EPHA6: variants seen among roughly 807,000 people sequenced by gnomAD.
EPHA6 encodes ephrin type-A receptor 6.
Under a neutral mutation model 112.0 loss-of-function variants are expected in EPHA6, and 50 were observed. The ratio of observed to expected loss-of-function variants is 0.45; its 90% CI spans 0.36 to 0.56. The LOEUF is 0.56. Among genes scored for constraint, EPHA6 ranks in the 20% least tolerant of loss-of-function variants. The pLI, the probability that EPHA6 is intolerant of heterozygous loss-of-function variation, is 0.00. For missense variants in EPHA6, 1,280 were observed against 1,417.4 expected (o/e 0.90, Z 1.56); for synonymous variants, 529 against 490.7 (o/e 1.08, Z -1.03).
At chr3:97,016,119 A>G (rs1264781185) in intron 3 of EPHA6, among the ~76,000 whole-genome samples, 1 of 151,788 alleles carries the variant, frequency 6.6e-6, no homozygotes, top group Non-Finnish European at 1.5e-5. Flanking sequence ...GAAACATTGA[A>G]GATATGTGTC....
chr3:97,667,027 G>A (rs1165943370), intron 14 of EPHA6, among the ~76,000 whole-genome samples: 1 of 152,082 alleles, frequency 6.6e-6, no homozygotes, highest in Non-Finnish European at 1.5e-5. Flanking sequence ...TATTAAACTG[G>A]AGAGCATTAT....
chr3:96,910,596 G>C (rs1449309570), intron 2 of EPHA6, among the ~76,000 whole-genome samples: 1 of 151,912 alleles, frequency 6.6e-6, no homozygotes, highest in Non-Finnish European at 1.5e-5. Flanking sequence ...AACTGTTCTG[G>C]CTTTTTTCCT....
intron 5 of EPHA6, among the ~76,000 whole-genome samples, chr3:97,390,538 T>C (rs2086339787): frequency 6.6e-6 from 1 of 151,766 alleles, no homozygotes; most frequent in Non-Finnish European, 1.5e-5. Flanking sequence ...AATATAATTA[T>C]TCATACACAC....
chr3:97,519,574 G>A (rs112514580), intron 10 of EPHA6, among the ~76,000 whole-genome samples: 27 of 152,196 alleles, frequency 1.8e-4, no homozygotes, highest in African/African-American at 4.8e-4. Context: ...TGGGTAGTAC[G>A]GTCATTTTAA....
At chr3:97,400,163 TAC>T (rs2109102580) in intron 5 of EPHA6, among the ~76,000 whole-genome samples, 1 of 151,832 alleles carries the variant, frequency 6.6e-6, no homozygotes, top group South Asian at 2.1e-4. Context: ...CATGTGGACG[TAC>T]AGTTTTCCCA....
At chr3:97,130,930 TTATTG>T (rs1247247286) in intron 3 of EPHA6, among the ~76,000 whole-genome samples, 6 of 152,122 alleles carry the variant, frequency 3.9e-5, no homozygotes, top group Non-Finnish European at 7.4e-5. Flanking sequence ...ATTATTATAA[TTATTG>T]TATTGTAACC....
chr3:97,153,390 C>A (rs892590038), intron 3 of EPHA6, among the ~76,000 whole-genome samples: 6 of 152,062 alleles, frequency 3.9e-5, no homozygotes, highest in African/African-American at 1.4e-4. Flanking sequence ...TGAAATTACT[C>A]CTTGTCATCA....
intron 1 of EPHA6, among the ~76,000 whole-genome samples, chr3:96,824,199 A>G (rs1215168019): frequency 1.3e-5 from 2 of 151,936 alleles, no homozygotes; most frequent in Non-Finnish European, 2.9e-5. Context: ...CAAGAACCCT[A>G]TTAACCAGAA....
intron 14 of EPHA6, among the ~76,000 whole-genome samples, chr3:97,685,417 C>T (rs1458818894): frequency 2.0e-5 from 3 of 152,188 alleles, no homozygotes; most frequent in African/African-American, 7.2e-5. Flanking sequence ...CTAGATTACA[C>T]TACAGTGTCA....
At chr3:97,305,196 A>G (rs2108734070) in intron 5 of EPHA6, among the ~76,000 whole-genome samples, 1 of 152,150 alleles carries the variant, frequency 6.6e-6, no homozygotes, top group African/African-American at 2.4e-5. Flanking sequence ...ATCTCATGCC[A>G]GTCAGCATGG....
chr3:96,940,196 T>C (rs2040854936), intron 2 of EPHA6, among the ~76,000 whole-genome samples: 1 of 152,186 alleles, frequency 6.6e-6, no homozygotes, highest in Non-Finnish European at 1.5e-5. Flanking sequence ...ATGTTGACAG[T>C]GTGGTGTTAA....
At chr3:97,172,098 G>A (rs558380201) in intron 3 of EPHA6, among the ~76,000 whole-genome samples, 1 of 152,114 alleles carries the variant, frequency 6.6e-6, no homozygotes, top group Admixed American at 6.5e-5. Context: ...GGCCAAAAAA[G>A]TGGTGGGTGC....
intron 3 of EPHA6, among the ~76,000 whole-genome samples, chr3:97,082,603 G>A (rs920902261): frequency 2.0e-4 from 31 of 151,612 alleles, no homozygotes; most frequent in African/African-American, 7.5e-4. Flanking sequence ...TAATCAATTC[G>A]AGGGCAGTTT....
intron 6 of EPHA6, among the ~76,000 whole-genome samples, chr3:97,422,463 T>C (rs761853562): frequency 1.1e-4 from 16 of 152,172 alleles, no homozygotes; most frequent in African/African-American, 1.9e-4. Context: ...AACAGGTTTT[T>C]AGAGACCTCT....
chr3:97,059,136 T>G (rs2045942296), intron 3 of EPHA6, among the ~76,000 whole-genome samples: 1 of 152,162 alleles, frequency 6.6e-6, no homozygotes, highest in Non-Finnish European at 1.5e-5. Flanking sequence ...TTCTTGGATG[T>G]AGGAGCAAAG....
intron 5 of EPHA6, among the ~76,000 whole-genome samples, chr3:97,280,537 CT>C (rs201763726): frequency 6.6e-5 from 10 of 150,734 alleles, no homozygotes; most frequent in African/African-American, 1.9e-4. Context: ...TTTTCTGAGC[CT>C]TTTTTTTTAA....
intron 10 of EPHA6, among the ~76,000 whole-genome samples, chr3:97,494,719 G>A (rs28619503): frequency 0.068 from 10,349 of 151,762 alleles, 1,104 homozygotes; most frequent in African/African-American, 0.23. Flanking sequence ...TTATAACTCC[G>A]TACATGATCT....
chr3:97,299,937 C>T (rs956601804), intron 5 of EPHA6, among the ~76,000 whole-genome samples: 3 of 152,016 alleles, frequency 2.0e-5, no homozygotes, highest in Admixed American at 6.6e-5. Context: ...GATTGCATAC[C>T]GTTGTTTAAT....
intron 6 of EPHA6, among the ~76,000 whole-genome samples, chr3:97,407,017 G>A (rs1447098222): frequency 1.3e-5 from 2 of 151,764 alleles, no homozygotes; most frequent in African/African-American, 4.8e-5. Context: ...GTTTTATAAG[G>A]GTTATATTTT....
Sources: gnomAD v4.1 joint callset for allele counts (sites outside exome capture counted in the v4.1 genomes callset) on GRCh38, gnomAD v4.1.1 for gene constraint, MANE v1.5 for transcripts, NCBI Gene and HGNC (gene_info 2026-07-23, HGNC 2026-07-21) for gene names.